Variants in RASGRF2 observed in about 807,000 individuals in gnomAD.
RASGRF2 encodes the protein Ras protein specific guanine nucleotide releasing factor 2, also known as ras-specific guanine nucleotide-releasing factor 2.
In RASGRF2, 76 loss-of-function variants were observed where a neutral mutation model predicts 151.0. That is an observed-to-expected ratio of 0.50 (90% CI 0.42 to 0.61). The LOEUF is 0.61. Among genes scored for constraint, RASGRF2 ranks in the 20% least tolerant of loss-of-function variants. The pLI is 0.00. For missense variants in RASGRF2, 1,148 were observed against 1,564.6 expected (o/e 0.73, Z 4.49); for synonymous variants, 504 against 566.5 (o/e 0.89, Z 1.57).
chr5:80,987,974 A>G (rs1425243230), intron 1 of RASGRF2, among the ~76,000 whole-genome samples: 1 of 101,796 alleles, frequency 9.8e-6, no homozygotes, highest in Non-Finnish European at 2.1e-5. Context: ...CCACATTATC[A>G]TCTCTACTCA....
At chr5:81,179,915 C>T (rs1488751337) in intron 17 of RASGRF2, among the ~76,000 whole-genome samples, 1 of 152,162 alleles carries the variant, frequency 6.6e-6, no homozygotes, top group Admixed American at 6.5e-5. Flanking sequence ...GTCAGGAGAG[C>T]AGCTTTAGCT....
At chr5:81,026,377 T>C (rs1000748411) in intron 1 of RASGRF2, among the ~76,000 whole-genome samples, 1 of 152,020 alleles carries the variant, frequency 6.6e-6, no homozygotes, top group African/African-American at 2.4e-5. Context: ...CTGCAATGTG[T>C]CCCCCAAGGA....
intron 4 of RASGRF2, 68 bp from the exon 5 acceptor site, chr5:81,073,131 A>G: frequency 1.3e-6 from 2 of 1,500,182 alleles, no homozygotes; most frequent in Non-Finnish European, 9.0e-7. Context: ...ATTATATTTC[A>G]TGTTCTTTTC....
intron 3 of RASGRF2, among the ~76,000 whole-genome samples, chr5:81,069,176 T>A (rs987472358): frequency 6.6e-6 from 1 of 152,176 alleles, no homozygotes; most frequent in African/African-American, 2.4e-5. Flanking sequence ...TAGGTGGGGT[T>A]TTCGCCTTCT....
At chr5:80,983,058 G>A (rs1748363298) in intron 1 of RASGRF2, among the ~76,000 whole-genome samples, 1 of 152,210 alleles carries the variant, frequency 6.6e-6, no homozygotes, top group Admixed American at 6.5e-5. Context: ...TTTGAAACGG[G>A]TTAGGACAGG....
intron 1 of RASGRF2, among the ~76,000 whole-genome samples, chr5:81,036,777 TA>T (rs1470511398): frequency 1.3e-5 from 2 of 152,206 alleles, no homozygotes; most frequent in Admixed American, 6.6e-5. Context: ...GAGATTTTCC[TA>T]TGTTACATTC....
intron 1 of RASGRF2, among the ~76,000 whole-genome samples, chr5:80,969,346 G>A (rs1353829170): frequency 6.6e-6 from 1 of 151,188 alleles, no homozygotes; most frequent in Non-Finnish European, 1.5e-5. Flanking sequence ...ATGTTGGTCA[G>A]GCTGGTCTCG....
intron 17 of RASGRF2, among the ~76,000 whole-genome samples, chr5:81,129,484 C>T (rs1054109302): frequency 6.6e-6 from 1 of 152,112 alleles, no homozygotes; most frequent in African/African-American, 2.4e-5. Flanking sequence ...TGCAAATTGA[C>T]CACATTCTGT....
intron 17 of RASGRF2, among the ~76,000 whole-genome samples, chr5:81,152,704 T>C (rs1205654761): frequency 6.6e-6 from 1 of 152,240 alleles, no homozygotes; most frequent in Non-Finnish European, 1.5e-5. Context: ...CAACCATTTA[T>C]GAACTCCTGA....
chr5:80,986,911 A>G (rs1035503705), intron 1 of RASGRF2, among the ~76,000 whole-genome samples: 2 of 152,138 alleles, frequency 1.3e-5, no homozygotes, highest in African/African-American at 4.8e-5. Flanking sequence ...CCCTCTTTCC[A>G]GAACCTTGAA....
At chr5:81,031,995 A>C (rs1750270822) in intron 1 of RASGRF2, among the ~76,000 whole-genome samples, 2 of 152,184 alleles carry the variant, frequency 1.3e-5, no homozygotes, top group Admixed American at 1.3e-4. Flanking sequence ...AGAAATACAC[A>C]CTACCACCAG....
intron 17 of RASGRF2, among the ~76,000 whole-genome samples, chr5:81,159,429 C>T (rs1184482004): frequency 2.0e-5 from 3 of 152,220 alleles, no homozygotes; most frequent in African/African-American, 4.8e-5. Context: ...TTTGCTGACT[C>T]CTGTGCTCAA....
rs566069135 is a variant in RASGRF2 at position 81,027,466 on chromosome 5, C to T, written c.289-15411C>T. ...CCCATTAGCAGTCACTCTGCTCTGC[C>T]CATTCCCCTCGCTCCTGGCAACCAC... On this transcript the variant is annotated intron_variant, in intron 1 of 26. Transcript: ENST00000265080. Among the ~76,000 whole-genome samples, 192 of 152,152 alleles carry T rather than the reference C, an allele frequency of 1.3e-3. 1 individual carries two copies. The highest frequency in any genetic ancestry group is 2.5e-3 in the Non-Finnish European group (173 of 68,028).
intron 5 of RASGRF2, among the ~76,000 whole-genome samples, chr5:81,073,685 C>G (rs1751851405): frequency 6.6e-6 from 1 of 152,026 alleles, no homozygotes; most frequent in African/African-American, 2.4e-5. Flanking sequence ...GTGGCACAAT[C>G]TCGGCTCACT....
intron 1 of RASGRF2, among the ~76,000 whole-genome samples, chr5:80,995,212 C>T (rs984303010): frequency 1.8e-4 from 26 of 148,270 alleles, no homozygotes; most frequent in African/African-American, 5.7e-4. Flanking sequence ...GCCGAGATCG[C>T]GCCACTGCCC....
chr5:80,998,762 A>G (rs1748981917), intron 1 of RASGRF2, among the ~76,000 whole-genome samples: 1 of 152,212 alleles, frequency 6.6e-6, no homozygotes, highest in South Asian at 2.1e-4. Flanking sequence ...GCAGACAGCC[A>G]GGCTTGGGGG....
At chr5:81,003,577 G>A (rs2112296395) in intron 1 of RASGRF2, among the ~76,000 whole-genome samples, 1 of 152,198 alleles carries the variant, frequency 6.6e-6, no homozygotes, top group East Asian at 1.9e-4. Flanking sequence ...GGCCAGGCTG[G>A]TCTTGAACTC....
chr5:81,090,472 T>C (rs532091002), intron 9 of RASGRF2, among the ~76,000 whole-genome samples: 1 of 152,372 alleles, frequency 6.6e-6, no homozygotes, highest in African/African-American at 2.4e-5. Context: ...CTCATAGCTG[T>C]ATTGAAACAT....
At chr5:81,019,040 T>G (rs1478330368) in intron 1 of RASGRF2, among the ~76,000 whole-genome samples, 4 of 151,292 alleles carry the variant, frequency 2.6e-5, no homozygotes, top group African/African-American at 9.7e-5. Flanking sequence ...CCTGAAGTGA[T>G]CCCCCCAACC....
Sources: gnomAD v4.1 joint callset for allele counts (sites outside exome capture counted in the v4.1 genomes callset) on GRCh38, gnomAD v4.1.1 for gene constraint, MANE v1.5 for transcripts, NCBI Gene and HGNC (gene_info 2026-07-23, HGNC 2026-07-21) for gene names.